DENND1B: variants seen among roughly 807,000 people sequenced by gnomAD.
The protein encoded by DENND1B is DENN domain containing 1B, also known as DENN domain-containing protein 1B.
DENND1B carries 59 observed loss-of-function variants against 90.1 expected under a neutral mutation model. That is an observed-to-expected ratio of 0.65 (90% CI 0.53 to 0.81). The LOEUF (loss-of-function observed/expected upper bound fraction) is 0.81, where lower values mean the gene tolerates loss of function less well. Ranked by LOEUF, DENND1B falls within the 40% of genes least tolerant of loss-of-function variation. The pLI is 0.00. For synonymous variants in DENND1B, 337 were observed against 324.6 expected (o/e 1.04, Z -0.41); for missense variants, 862 against 912.6 (o/e 0.94, Z 0.71).
chr1:197,583,892 T>A (rs2125776235), intron 14 of DENND1B, among the ~76,000 whole-genome samples: 1 of 152,320 alleles, frequency 6.6e-6, no homozygotes, highest in South Asian at 2.1e-4. Context: ...GATTCCATTT[T>A]TTTTCTATTT....
intron 2 of DENND1B, among the ~76,000 whole-genome samples, chr1:197,744,168 C>A (rs1005239590): frequency 6.6e-6 from 1 of 152,082 alleles, no homozygotes; most frequent in African/African-American, 2.4e-5. Flanking sequence ...CTGTTAATGT[C>A]GATATTTTGA....
intron 4 of DENND1B, among the ~76,000 whole-genome samples, chr1:197,673,259 A>AGGGGT (rs1307554498): frequency 6.6e-6 from 1 of 152,022 alleles, no homozygotes; most frequent in African/African-American, 2.4e-5. Context: ...TATTAATATG[A>AGGGGT]AACGTGTAAC....
intron 2 of DENND1B, among the ~76,000 whole-genome samples, chr1:197,769,375 AG>A (rs1656115367): frequency 6.6e-6 from 1 of 152,122 alleles, no homozygotes; most frequent in African/African-American, 2.4e-5. Flanking sequence ...AAGGCTTTCT[AG>A]GGGATTTGAA....
At chr1:197,738,686 T>C (rs1469297273) in intron 2 of DENND1B, among the ~76,000 whole-genome samples, 1 of 152,212 alleles carries the variant, frequency 6.6e-6, no homozygotes, top group Admixed American at 6.5e-5. Flanking sequence ...AGCAGCACTT[T>C]TACATCCATA....
chr1:197,572,035 A>G (rs1346202184), intron 15 of DENND1B, among the ~76,000 whole-genome samples: 1 of 152,086 alleles, frequency 6.6e-6, no homozygotes, highest in Admixed American at 6.5e-5. Flanking sequence ...TTTCCGATTG[A>G]GGTACATGGT....
At chr1:197,765,511 A>C (rs1288496251) in intron 2 of DENND1B, among the ~76,000 whole-genome samples, 1 of 152,228 alleles carries the variant, frequency 6.6e-6, no homozygotes, top group Non-Finnish European at 1.5e-5. Context: ...GAAAATTTAG[A>C]GAAAAAGAAT....
chr1:197,537,326 C>T (rs1013581548), intron 20 of DENND1B, among the ~76,000 whole-genome samples: 3 of 152,030 alleles, frequency 2.0e-5, no homozygotes, highest in South Asian at 2.1e-4. Context: ...ATAATTATTG[C>T]TGTCATGTCT....
rs184020838 is a variant in DENND1B, at chr1:197,538,822, T to C, written c.1515+1142A>G. On this transcript the variant is annotated intron_variant, in intron 20 of 22. Transcript: ENST00000620048. Reference sequence around the variant, plus strand: ...TAATGGTATTAAGAAGTGGGACTTTTAAGAGGTGATTGGGCCATGAGGGTT... The same window carrying C: ...TAATGGTATTAAGAAGTGGGACTTTCAAGAGGTGATTGGGCCATGAGGGTT... Among the ~76,000 whole-genome samples, 231 of 152,142 alleles carry C rather than the reference T, an allele frequency of 1.5e-3. 2 individuals are homozygous for C. Among genetic ancestry groups the C allele is most frequent in the Non-Finnish European group, 2.4e-3 (162 of 67,980 alleles).
chr1:197,761,671 C>T (rs998112146), intron 2 of DENND1B: 4 of 152,056 alleles, frequency 2.6e-5, no homozygotes, highest in Non-Finnish European at 5.9e-5. Context: ...ACTAAACACA[C>T]CCTCATGCTG....
chr1:197,520,482 A>T lies in DENND1B; in HGVS notation c.1516-7529T>A, dbSNP rs777259003. ...GTTGATGTTCCTAAATAATGAAAAA[A>T]TAGGTCCAGTCAGCTAATAATATAA... On this transcript the variant is annotated intron_variant, in intron 20 of 22. Transcript: ENST00000620048. 8.5e-4 allele frequency among the ~76,000 whole-genome samples: 129 copies of T among 152,126 alleles called. 1 individual carries two copies. Among genetic ancestry groups the T allele is most frequent in the Non-Finnish European group, 1.3e-3 (91 of 67,940 alleles).
intron 20 of DENND1B, among the ~76,000 whole-genome samples, chr1:197,535,648 A>C (rs1053302060): frequency 6.6e-6 from 1 of 152,202 alleles, no homozygotes; most frequent in Non-Finnish European, 1.5e-5. Flanking sequence ...AACAGTAGAC[A>C]TCTTGTGAGA....
At chr1:197,548,990 A>T (rs1671022279) in intron 16 of DENND1B, among the ~76,000 whole-genome samples, 1 of 152,116 alleles carries the variant, frequency 6.6e-6, no homozygotes, top group Non-Finnish European at 1.5e-5. Flanking sequence ...TATTTCCACA[A>T]TATTTATGAG....
In DENND1B at chr1:197,699,611, G is replaced by T. The variant is rs11806821; in HGVS notation, c.126+15420C>A. Among the ~76,000 whole-genome samples the T allele has an allele frequency of 5.8e-3, 882 of 152,252 alleles. 9 individuals are homozygous for T. Among genetic ancestry groups the T allele is most frequent in the African/African-American group, 0.02 (816 of 41,568 alleles). ...GGGAACTCAAATAGGAAGAGAGGAA[G>T]TCAAACTACTGTGTCTGTTTACAGA... On this transcript the variant is annotated intron_variant, in intron 3 of 22. Coordinates refer to ENST00000620048, the MANE Select transcript of DENND1B (RefSeq NM_001195215.2).
intron 2 of DENND1B, among the ~76,000 whole-genome samples, chr1:197,739,037 C>T (rs1662972998): frequency 6.6e-6 from 1 of 152,186 alleles, no homozygotes; most frequent in Admixed American, 6.5e-5. Flanking sequence ...ACCACCAACC[C>T]ACCCAAGACT....
chr1:197,726,537 A>T (rs571051382), intron 2 of DENND1B, among the ~76,000 whole-genome samples: 73 of 152,362 alleles, frequency 4.8e-4, no homozygotes, highest in African/African-American at 1.5e-3. Context: ...AGTCAGAAGC[A>T]TAATCCTAGG....
chr1:197,651,620 G>A (rs1054523093), intron 7 of DENND1B, among the ~76,000 whole-genome samples: 2 of 148,688 alleles, frequency 1.3e-5, no homozygotes, highest in African/African-American at 2.5e-5. Flanking sequence ...TATTATGCAC[G>A]GATTTCACCT....
intron 7 of DENND1B, among the ~76,000 whole-genome samples, chr1:197,650,802 C>A (rs2477071): frequency 6.6e-6 from 1 of 151,904 alleles, no homozygotes; most frequent in South Asian, 2.1e-4. Flanking sequence ...CACTGATATG[C>A]GGGAGCTAAG....
At position 197,652,176 on chromosome 1, in the gene DENND1B, C is replaced by G. The variant is rs1350065548; in HGVS notation, c.447+59G>C. 3.4e-6 allele frequency: 5 copies of G among 1,455,990 alleles called. No individual in the cohort carries two copies. In the South Asian group the frequency reaches 3.6e-5, roughly 10 times the overall value. The allele number at this position is 1,455,990 out of a possible 1,614,324, so 90.2% of individuals were successfully genotyped here. A position where few individuals can be genotyped will look rare whatever the true frequency, so the allele number is the denominator to read the frequency against. On this transcript the variant is annotated intron_variant, in intron 7 of 22. Coordinates refer to ENST00000620048, the MANE Select transcript of DENND1B (RefSeq NM_001195215.2). Reference sequence around the variant, plus strand: ...AGAATTGCCTGAAGGTACACGTGCTCTTAACGAAATTGAGACATAGCTATG... The same window carrying G: ...AGAATTGCCTGAAGGTACACGTGCTGTTAACGAAATTGAGACATAGCTATG...
chr1:197,669,870 C>T (rs961375098), intron 5 of DENND1B, among the ~76,000 whole-genome samples: 1 of 151,872 alleles, frequency 6.6e-6, no homozygotes, highest in Non-Finnish European at 1.5e-5. Context: ...TTGGAATACA[C>T]GATTTTACTT....
Sources: allele counts gnomAD v4.1 joint callset (sites outside exome capture counted in the v4.1 genomes callset), GRCh38; gene constraint gnomAD v4.1.1; transcripts MANE v1.5; gene names NCBI Gene and HGNC (gene_info 2026-07-23, HGNC 2026-07-21).